The following NECAB3 variants were observed in gnomAD, a reference collection of about 807,000 sequenced individuals.
The protein encoded by NECAB3 is N-terminal EF-hand calcium binding protein 3.
Under a neutral mutation model 57.2 loss-of-function variants are expected in NECAB3, and 38 were observed. The observed-to-expected ratio is 0.66, with a 90% CI of 0.51 to 0.87. The LOEUF is 0.87. Ranked by LOEUF, NECAB3 falls within the 40% of genes least tolerant of loss-of-function variation. The probability of loss-of-function intolerance (pLI) is 0.00; values close to 1 mark genes in which losing one functional copy is unlikely to be tolerated. For missense variants in NECAB3, 474 were observed against 527.5 expected (o/e 0.90, Z 0.99); for synonymous variants, 223 against 222.6 (o/e 1.00, Z -0.02).
At chr20:33,663,484 C>A (rs2017546353) in intron 5 of NECAB3, 1 of 1,559,732 alleles carries the variant, frequency 6.4e-7, no homozygotes, top group Non-Finnish European at 8.6e-7. Context: ...GGGTCGTGGG[C>A]TCGGCCCTAG....
At chr20:33,669,758 C>T (rs768027626) in intron 3 of NECAB3, 46 bp from the exon 4 acceptor site, 1 of 1,544,898 alleles carries the variant, frequency 6.5e-7, no homozygotes, top group Admixed American at 2.2e-5. Flanking sequence ...GCCTGGTAAA[C>T]TGGGACTAAT....
chr20:33,659,141 TGCC>T (rs981812033), intron 8 of NECAB3, among the ~76,000 whole-genome samples: 2 of 152,158 alleles, frequency 1.3e-5, no homozygotes, highest in East Asian at 1.9e-4. Flanking sequence ...GCTGGGTTCC[TGCC>T]GCCAACCTGC....
Position 33,674,260 on chromosome 20 carries a change from G to C in NECAB3, c.93C>G (p.Pro31=). 1 of 1,232,824 alleles carries C rather than the reference G, an allele frequency of 8.1e-7. No homozygotes were observed. The highest frequency in any genetic ancestry group is 1.0e-6 in the Non-Finnish European group (1 of 987,576). 76.4% of individuals were successfully genotyped at this position (1,232,824 alleles called of 1,614,324 possible). A position where few individuals can be genotyped will look rare whatever the true frequency, so the allele number is the denominator to read the frequency against. The change falls in exon 1 of 12, where the codon CCC becomes CCG. Residue 31 remains proline, a synonymous_variant. Coordinates refer to ENST00000246190, the MANE Select transcript of NECAB3 (RefSeq NM_031232.4). ...PQTPRHPQLA[P]DPGPAGHTLF... ...GCGTGTGTCCGGCGGGCCCCGGGTC[G>C]GGCGCGAGCTGGGGGTGCCGCGGGG...
chr20:33,659,813 G>C, intron 7 of NECAB3, 72 bp downstream of exon 7: 1 of 1,530,832 alleles, frequency 6.5e-7, no homozygotes, highest in Non-Finnish European at 8.8e-7. Context: ...GGGCAGTGAA[G>C]GAGCGGGCCC....
In NECAB3 at chr20:33,660,482, G is replaced by A; in HGVS notation, c.388-87C>T. 2 of 1,540,536 alleles carry A rather than the reference G, an allele frequency of 1.3e-6. No homozygotes were observed. The highest frequency in any genetic ancestry group is 2.2e-4 in the Middle Eastern group (1 of 4,510). On this transcript the variant is annotated intron_variant, in intron 5 of 11. Coordinates refer to ENST00000246190, the MANE Select transcript of NECAB3 (RefSeq NM_031232.4). The surrounding 1 kb of genome is among the most constrained non-coding windows in gnomAD (Gnocchi z 4.1). ...CCCCTGCCTCTTGCCCATCAGAGCAGCGGTGGCAGTGCCAAGAGCAGGGGC... is the reference window on the plus strand; with the variant it reads ...CCCCTGCCTCTTGCCCATCAGAGCAACGGTGGCAGTGCCAAGAGCAGGGGC...
At position 33,657,798 on chromosome 20, in the gene NECAB3, T is replaced by C; in HGVS notation, c.*31A>G. The C allele has an allele frequency of 6.6e-7, 1 of 1,510,740 alleles. No homozygotes were observed. The allele number at this position is 1,510,740 out of a possible 1,614,324, so 93.6% of individuals were successfully genotyped here. A position where few individuals can be genotyped will look rare whatever the true frequency, so the allele number is the denominator to read the frequency against. ...AGGCTCCAGAGGGAGGCAGGCAGGG[T>C]CCCGGGGCCCTCGGCGTGTGCAGGT... On this transcript the variant is annotated 3_prime_UTR_variant, in exon 12 of 12. Transcript: ENST00000246190.
chr20:33,670,812 A>G lies in NECAB3; in HGVS notation c.155-20T>C, dbSNP rs772430798. 431 of 1,591,132 alleles carry G rather than the reference A, an allele frequency of 2.7e-4. No individual in the cohort carries two copies. The highest frequency in any genetic ancestry group is 3.5e-4 in the Non-Finnish European group (401 of 1,160,000). On this transcript the variant is annotated intron_variant, in intron 2 of 11. Coordinates refer to ENST00000246190, the MANE Select transcript of NECAB3 (RefSeq NM_031232.4). ...CATCATCTGGGGTGGCAGGGGGAGG[A>G]CAGGGAGCAGAGGAGGTATCCCTGA...
At chr20:33,658,963 C>T (rs1601149186) in intron 8 of NECAB3, 129 bp from the exon 9 acceptor site, 1 of 669,142 alleles carries the variant, frequency 1.5e-6, no homozygotes, top group African/African-American at 1.8e-5. Flanking sequence ...TGCTCTCACC[C>T]AGGCTGGAGT....
intron 3 of NECAB3, 92 bp from the exon 4 acceptor site, chr20:33,669,804 C>A (rs1387733614): frequency 7.1e-7 from 1 of 1,401,516 alleles, no homozygotes; most frequent in Non-Finnish European, 9.6e-7. Context: ...CACCAACTCC[C>A]AGCTTAGCCT....
intron 5 of NECAB3, among the ~76,000 whole-genome samples, chr20:33,666,338 C>T (rs1043089982): frequency 3.9e-5 from 6 of 152,154 alleles, no homozygotes; most frequent in Non-Finnish European, 7.3e-5. Flanking sequence ...CCCCTGGATG[C>T]CAAAATCACT....
At chr20:33,662,124 T>C in intron 5 of NECAB3, 2 of 554,502 alleles carry the variant, frequency 3.6e-6, no homozygotes, top group Non-Finnish European at 6.4e-6. Flanking sequence ...CTAAGCACCT[T>C]ACATGCATTG....
At chr20:33,670,433 G>A (rs1000858679) in intron 3 of NECAB3, 21 of 415,186 alleles carry the variant, frequency 5.1e-5, no homozygotes, top group East Asian at 8.2e-5. Context: ...TGTGGGAAGC[G>A]GGAATGGGGA....
At chr20:33,672,808 T>C (rs936500770) in intron 1 of NECAB3, among the ~76,000 whole-genome samples, 1 of 152,190 alleles carries the variant, frequency 6.6e-6, no homozygotes, top group African/African-American at 2.4e-5. Context: ...CCCAGGAATC[T>C]TGCACAGCCG....
rs562758336 is a variant in NECAB3, at chr20:33,665,775, A to G, written c.387+3600T>C. 3.9e-5 allele frequency among the ~76,000 whole-genome samples: 6 copies of G among 152,306 alleles called. No individual in the cohort carries two copies. The East Asian group carries it at 1.2e-3, about 29-fold the overall frequency. ...GATCAAGACTTGCTTAGGACTGCAC[A>G]GTGAGTCAGCTTCAGAACTGAGTCT... On this transcript the variant is annotated intron_variant, in intron 5 of 11. Coordinates refer to ENST00000246190, the MANE Select transcript of NECAB3 (RefSeq NM_031232.4).
At chr20:33,668,038 A>G in intron 5 of NECAB3, 20 of 1,550,904 alleles carry the variant, frequency 1.3e-5, no homozygotes, top group Non-Finnish European at 1.7e-5. Context: ...GCGCCTGGAC[A>G]AGGAGCTGGA....
rs1235918463 is a variant in NECAB3 at position 33,660,937 on chromosome 20, AC to A, written c.388-543del. On this transcript the variant is annotated intron_variant, in intron 5 of 11. Transcript: ENST00000246190. The surrounding 1 kb of genome is among the most constrained non-coding windows in gnomAD (Gnocchi z 4.1). Reference sequence around the variant, plus strand: ...CACTCAGACACACACGCCGGCACTGACCCCAACCGACACTGCCAGCCTCCTC... The same window carrying A: ...CACTCAGACACACACGCCGGCACTGACCCAACCGACACTGCCAGCCTCCTC... Among the ~76,000 whole-genome samples, 1 of 152,086 alleles carries A rather than the reference AC, an allele frequency of 6.6e-6. No individual in the cohort carries two copies. The highest frequency in any genetic ancestry group is 1.9e-4 in the East Asian group (1 of 5,148).
At position 33,663,588 on chromosome 20, in the gene NECAB3, G is replaced by C. The variant is rs763444244; in HGVS notation, c.388-3193C>G. The C allele has an allele frequency of 2.8e-5, 45 of 1,611,262 alleles. No individual in the cohort carries two copies. In the South Asian group the frequency reaches 3.4e-4, roughly 12 times the overall value. On this transcript the variant is annotated intron_variant, in intron 5 of 11. Coordinates refer to ENST00000246190, the MANE Select transcript of NECAB3 (RefSeq NM_031232.4). ...AGCGGCAGCCGCTGGCCAACGCTGG[G>C]CAACGGATTGACTACGCGTCCGGCG...
rs770032834 is a variant in NECAB3 at position 33,667,673 on chromosome 20, T to A, written c.387+1702A>T. The A allele has an allele frequency of 2.2e-5, 36 of 1,611,682 alleles. No homozygotes were observed. Among genetic ancestry groups the A allele is most frequent in the Non-Finnish European group, 3.1e-5 (36 of 1,179,724 alleles). The stretch of plus-strand genomic sequence containing the variant: ...ACCCTGTCGCGCTACCTGCGGGATC[T>A]GCTGGTGGCGGCGAACCCTGACCTC... On this transcript the variant is annotated intron_variant, in intron 5 of 11. Transcript: ENST00000246190.
chr20:33,662,155 CCA>C (rs1201792902), intron 5 of NECAB3: 1 of 663,034 alleles, frequency 1.5e-6, no homozygotes, highest in East Asian at 2.9e-5. Context: ...GATCATTAGC[CCA>C]GTTTTACAGC....
Sources: allele counts gnomAD v4.1 joint callset (sites outside exome capture counted in the v4.1 genomes callset), GRCh38; gene constraint gnomAD v4.1.1; non-coding constraint Gnocchi (gnomAD v3.1); transcripts MANE v1.5; gene names NCBI Gene and HGNC (gene_info 2026-07-23, HGNC 2026-07-21).